MACF1: variants seen among roughly 807,000 people sequenced by gnomAD.
MACF1 encodes microtubule-actin cross-linking factor 1.
MACF1 carries 193 observed loss-of-function variants against 854.8 expected under a neutral mutation model. The observed-to-expected ratio is 0.23, with a 90% CI of 0.20 to 0.25. The LOEUF (loss-of-function observed/expected upper bound fraction) is 0.25, where lower values mean the gene tolerates loss of function less well. MACF1 is among the 10% of genes least tolerant of loss of function. The probability of loss-of-function intolerance (pLI) is 1.00; values close to 1 mark genes in which losing one functional copy is unlikely to be tolerated. For missense variants in MACF1, 7,722 were observed against 8,929.1 expected, an observed-to-expected ratio of 0.86 and a Z score of 5.45; for synonymous variants, 3,185 against 3,226.7, an observed-to-expected ratio of 0.99 and a Z score of 0.44.
rs116218162 is a variant in MACF1, at chr1:39,271,185, G to C, written c.529-11023G>C. On this transcript the variant is annotated intron_variant, in intron 6 of 100. Coordinates refer to ENST00000564288, the MANE Select transcript of MACF1 (RefSeq NM_001394062.1). ...GACTGGGTAATTTACAAAGTAAAGA[G>C]GTTTAATTGGTATACAGTTCTGCAG... Among the ~76,000 whole-genome samples, 990 of 152,268 alleles carry C rather than the reference G, an allele frequency of 6.5e-3. 10 individuals carry two copies. Among genetic ancestry groups the C allele is most frequent in the African/African-American group, 0.022 (918 of 41,560 alleles).
chr1:39,353,764 T>C (rs1647290247), intron 44 of MACF1, among the ~76,000 whole-genome samples: 1 of 152,210 alleles, frequency 6.6e-6, no homozygotes, highest in Non-Finnish European at 1.5e-5. Flanking sequence ...TTGTCTGAAC[T>C]GGACATCATC....
intron 2 of MACF1, among the ~76,000 whole-genome samples, chr1:39,172,836 G>A (rs1257915250): frequency 1.3e-5 from 2 of 152,218 alleles, no homozygotes; most frequent in Non-Finnish European, 2.9e-5. Flanking sequence ...GGGTGAGGTT[G>A]GCATGTCACA....
At chr1:39,372,638 C>G (rs765997525) in intron 52 of MACF1, 42 bp downstream of exon 52, 2 of 1,410,514 alleles carry the variant, frequency 1.4e-6, no homozygotes, top group Non-Finnish European at 2.0e-6. Flanking sequence ...AAAAATTGCT[C>G]TTTGCTTTTG....
chr1:39,143,418 G>T (rs147067465), intron 2 of MACF1, among the ~76,000 whole-genome samples: 152 of 152,284 alleles, frequency 1.0e-3, no homozygotes, highest in African/African-American at 3.5e-3. Context: ...ATCAGGCCAG[G>T]ATAATAGGAT....
In MACF1 at chr1:39,469,631, T is replaced by G. The variant is rs964901369; in HGVS notation, c.21958+16T>G. On this transcript the variant is annotated intron_variant, in intron 97 of 100. Coordinates refer to ENST00000564288, the MANE Select transcript of MACF1 (RefSeq NM_001394062.1). Reference sequence around the variant, plus strand: ...TCTCCCATAGGTTGGCTTTTAAGCTTTGTCCCTCTTCCTCACACCCTAGCC... The same window carrying G: ...TCTCCCATAGGTTGGCTTTTAAGCTGTGTCCCTCTTCCTCACACCCTAGCC... The G allele has an allele frequency of 1.3e-6, 2 of 1,545,414 alleles. No individual in the cohort carries two copies. Among genetic ancestry groups the G allele is most frequent in the African/African-American group, 2.7e-5 (2 of 72,942 alleles).
intron 49 of MACF1, among the ~76,000 whole-genome samples, chr1:39,362,503 A>G (rs948180434): frequency 3.9e-5 from 6 of 152,202 alleles, no homozygotes; most frequent in African/African-American, 7.2e-5. Context: ...AATATAAAAG[A>G]GAGTATCATT....
intron 2 of MACF1, among the ~76,000 whole-genome samples, chr1:39,236,145 TAGAG>T (rs1438318244): frequency 2.0e-5 from 3 of 152,190 alleles, no homozygotes; most frequent in Non-Finnish European, 2.9e-5. Flanking sequence ...ATAAATTACT[TAGAG>T]AGGGTAAGTA....
At position 39,318,505 on chromosome 1, in the gene MACF1, C is replaced by G. The variant is rs778750197; in HGVS notation, c.3835C>G (p.His1279Asp). Residue 1279 changes from histidine (H) to aspartate (D), a missense_variant, in exon 30 of 101, where the codon CAT becomes GAT. By Grantham distance (81) the His-to-Asp change is moderately conservative (BLOSUM62 -1). This residue lies in a region of MACF1 where 1,137 missense variants were observed against 1,263.0 expected (regional missense o/e 0.90). Coordinates refer to ENST00000564288, the MANE Select transcript of MACF1 (RefSeq NM_001394062.1). Reference protein sequence around the residue: ...QEVLGDYRACHGTLIKWIEET... With the variant: ...QEVLGDYRACDGTLIKWIEET... ...AGTTCTGGGAGATTACCGAGCCTGCCATGGAACTCTCATCAAGTGGATTGA... is the reference window on the plus strand; with the variant it reads ...AGTTCTGGGAGATTACCGAGCCTGCGATGGAACTCTCATCAAGTGGATTGA... 6.2e-7 allele frequency: 1 copy of G among 1,614,036 alleles called. No homozygotes were observed. Among genetic ancestry groups the G allele is most frequent in the Admixed American group, 1.7e-5 (1 of 60,010 alleles).
In MACF1 at chr1:39,383,219, A is replaced by G. The variant is rs1285205855; in HGVS notation, c.13848+1067A>G. Among the ~76,000 whole-genome samples the G allele has an allele frequency of 2.0e-5, 3 of 152,330 alleles. No homozygotes were observed. The East Asian group carries it at 5.8e-4, about 29-fold the overall frequency. ...TTTACATTCTCCCGCAGCCTGGTCC[A>G]TGTCTTCTCAACTTACCAGGTTCCT... is the stretch of plus-strand genomic sequence containing the variant. On this transcript the variant is annotated intron_variant, in intron 56 of 100. Coordinates refer to ENST00000564288, the MANE Select transcript of MACF1 (RefSeq NM_001394062.1).
In MACF1 at chr1:39,429,887, T is replaced by C; in HGVS notation, c.16949T>C (p.Ile5650Thr). Residue 5650 changes from isoleucine (I) to threonine (T), a missense_variant, in exon 65 of 101, where the codon ATC (isoleucine) becomes ACC (threonine). Transcript: ENST00000564288. ...GGTATAAAGACTCGTTACGCAGACA[T>C]CACAGTTACTAGCTCCAAGGCCCTC... ...LDGIKTRYAD[I>T]TVTSSKALRT... 1 of 1,614,102 alleles carries C rather than the reference T, an allele frequency of 6.2e-7. No individual in the cohort carries two copies. The highest frequency in any genetic ancestry group is 8.5e-7 in the Non-Finnish European group (1 of 1,179,990).
intron 10 of MACF1, 37 bp from the exon 11 acceptor site, chr1:39,284,295 GT>G (rs1645605382): frequency 6.4e-6 from 10 of 1,566,950 alleles, no homozygotes; most frequent in Non-Finnish European, 8.6e-6. Flanking sequence ...GGGTCCTATA[GT>G]TTGTGTCCAT....
chr1:39,437,630 A>G (rs1226219052), intron 70 of MACF1, 147 bp from the exon 71 acceptor site: 7 of 740,204 alleles, frequency 9.5e-6, no homozygotes, highest in Admixed American at 2.0e-5. Context: ...TTTCTTAACC[A>G]AACTCAACAC....
At position 39,410,721 on chromosome 1, in the gene MACF1, C is replaced by T. The variant is rs369157142; in HGVS notation, c.15817-11653C>T. 6 of 1,613,764 alleles carry T rather than the reference C, an allele frequency of 3.7e-6. No homozygotes were observed. In the South Asian group the frequency reaches 4.4e-5, roughly 12 times the overall value. ...TTGCAGAGAGGATAGAAGCTTCTCT[C>T]AGTGAGGTTTCAGAAGCTGGTGCTT... is the stretch of plus-strand genomic sequence containing the variant. On this transcript the variant is annotated intron_variant, in intron 58 of 100. Coordinates refer to ENST00000564288, the MANE Select transcript of MACF1 (RefSeq NM_001394062.1).
intron 65 of MACF1, 88 bp from the exon 66 acceptor site, chr1:39,430,614 G>C (rs906269917): frequency 2.0e-6 from 2 of 984,572 alleles, no homozygotes; most frequent in African/African-American, 3.2e-5. Context: ...GCTGGGATGT[G>C]TGGTAGAGAT....
In MACF1 at chr1:39,284,351, A is replaced by G. The variant is rs1225527817; in HGVS notation, c.1054A>G (p.Ile352Val). The G allele has an allele frequency of 1.9e-6, 3 of 1,599,472 alleles. No homozygotes were observed. Among genetic ancestry groups the G allele is most frequent in the African/African-American group, 1.4e-5 (1 of 73,754 alleles). The part of the protein sequence containing the change: ...VELKALYNQY[I>V]HFKETEILAK... ...TTTATAGGCACTTTATAACCAATAT[A>G]TACACTTCAAAGAAACAGAAATTCT... The change falls in exon 11 of 101, where the codon ATA becomes GTA. Residue 352 changes from isoleucine (I) to valine (V), a missense_variant. Ile to Val is a conservative substitution (Grantham distance 29). Transcript: ENST00000564288.
intron 2 of MACF1, among the ~76,000 whole-genome samples, chr1:39,143,640 C>T (rs564844484): frequency 3.3e-5 from 5 of 152,296 alleles, no homozygotes; most frequent in South Asian, 4.1e-4. Flanking sequence ...ATGCAGGTTG[C>T]CCTTACTGTT....
In MACF1 at chr1:39,346,820, A is replaced by G. The variant is rs186323015; in HGVS notation, c.10582-157A>G. Among the ~76,000 whole-genome samples, 88 of 152,314 alleles carry G rather than the reference A, an allele frequency of 5.8e-4. 1 individual carries two copies. Among genetic ancestry groups the G allele is most frequent in the African/African-American group, 2.1e-3 (87 of 41,582 alleles). ...AGGCATGAGCCACCGCACCTGGCCA[A>G]GAGAGACTTTAATTCTAATTTGGCC... On this transcript the variant is annotated intron_variant, in intron 40 of 100. Coordinates refer to ENST00000564288, the MANE Select transcript of MACF1 (RefSeq NM_001394062.1).
chr1:39,139,067 C>G (rs1484589684), intron 2 of MACF1, among the ~76,000 whole-genome samples: 1 of 152,166 alleles, frequency 6.6e-6, no homozygotes, highest in Non-Finnish European at 1.5e-5. Flanking sequence ...TTTGAGTATT[C>G]CATGTTAATG....
At chr1:39,429,379 G>A (rs1225059397) in intron 64 of MACF1, 53 bp downstream of exon 64, 2 of 1,024,776 alleles carry the variant, frequency 2.0e-6, no homozygotes, top group African/African-American at 3.2e-5. Context: ...AGACAATTAT[G>A]TACCCAAGGA....
Sources: allele counts gnomAD v4.1 joint callset (sites outside exome capture counted in the v4.1 genomes callset), GRCh38; gene constraint gnomAD v4.1.1; regional missense constraint gnomAD v4.1.1; transcripts MANE v1.5; gene names NCBI Gene and HGNC (gene_info 2026-07-23, HGNC 2026-07-21).